The following EIF4G3 variants were observed in gnomAD, a reference collection of about 807,000 sequenced individuals.
The protein encoded by EIF4G3 is eIF-4-gamma 3.
A neutral mutation model predicts 186.4 loss-of-function variants in EIF4G3; 34 were observed. That is an observed-to-expected ratio of 0.18 (90% confidence interval 0.14 to 0.24). The LOEUF is 0.24. EIF4G3 is among the 10% of genes least tolerant of loss of function. The pLI is 1.00. For synonymous variants in EIF4G3, 673 were observed against 679.5 expected (o/e 0.99, Z 0.15); for missense variants, 1,536 against 1,948.5 (o/e 0.79, Z 3.99).
intron 5 of EIF4G3, 45 bp downstream of exon 5, chr1:21,002,668 A>C (rs764547929): frequency 6.3e-7 from 1 of 1,596,926 alleles, no homozygotes; most frequent in South Asian, 1.1e-5. Context: ...ACACACACAA[A>C]CACAGGTAGA....
chr1:20,876,014 G>C (rs567467342), intron 20 of EIF4G3, among the ~76,000 whole-genome samples: 8 of 152,030 alleles, frequency 5.3e-5, no homozygotes, highest in Non-Finnish European at 1.0e-4. Context: ...TTGAGCTCAG[G>C]AGTTCCAGAT....
Position 21,176,867 on chromosome 1 carries a change from T to G in EIF4G3, c.-601A>C. On this transcript the variant is annotated 5_prime_UTR_variant, in exon 1 of 37. Transcript: ENST00000602326. ...GAGCAGAGCATCCAACATGGCGCTG[T>G]GGCCGCCTCCAGCAGTCCGGCAGGA... 1.4e-6 allele frequency: 1 copy of G among 699,678 alleles called. No individual in the cohort carries two copies. The highest frequency in any genetic ancestry group is 2.6e-6 in the Non-Finnish European group (1 of 382,956). 43.3% of individuals were successfully genotyped at this position (699,678 alleles called of 1,614,324 possible).
intron 13 of EIF4G3, among the ~76,000 whole-genome samples, chr1:20,942,837 A>G (rs2095776208): frequency 6.6e-6 from 1 of 152,184 alleles, no homozygotes; most frequent in African/African-American, 2.4e-5. Flanking sequence ...TTTATTTTAA[A>G]AAGTATTACT....
chr1:20,844,006 A>G (rs188934321), intron 29 of EIF4G3, among the ~76,000 whole-genome samples: 229 of 152,336 alleles, frequency 1.5e-3, no homozygotes, highest in African/African-American at 5.3e-3. Flanking sequence ...GTATGGCTGT[A>G]TAATATTTCA....
intron 12 of EIF4G3, among the ~76,000 whole-genome samples, chr1:20,965,107 C>A (rs1254748921): frequency 6.6e-6 from 1 of 152,198 alleles, no homozygotes; most frequent in Non-Finnish European, 1.5e-5. Flanking sequence ...TCTCACCTGA[C>A]AAACACACCC....
chr1:20,864,479 T>G lies in EIF4G3; in HGVS notation c.3003A>C (p.Ala1001=). The G allele has an allele frequency of 6.2e-7, 1 of 1,612,346 alleles. No individual in the cohort carries two copies. Among genetic ancestry groups the G allele is most frequent in the South Asian group, 1.1e-5 (1 of 90,710 alleles). ...TTCTGAGCTTTTGGATTTTTACCTT[T>G]GCTTTTTCAAAGTCCAAGTCTTTGC... ...TIGKDLDFEK[A]KPRMDQYFNQ... Residue 1001 remains alanine (A), a synonymous_variant, in exon 22 of 37, where the codon GCA becomes GCC. Transcript: ENST00000602326.
At chr1:21,024,032 G>C (rs1016636171) in intron 4 of EIF4G3, among the ~76,000 whole-genome samples, 1 of 145,870 alleles carries the variant, frequency 6.9e-6, no homozygotes, top group Non-Finnish European at 1.5e-5. Flanking sequence ...CAACCACCCC[G>C]TCTGAGAAGT....
chr1:21,065,624 C>T (rs1296264514), intron 3 of EIF4G3, among the ~76,000 whole-genome samples: 1 of 151,618 alleles, frequency 6.6e-6, no homozygotes, highest in Admixed American at 6.6e-5. Context: ...GTGTCAGAGA[C>T]CTAAGTTTGA....
intron 12 of EIF4G3, among the ~76,000 whole-genome samples, chr1:20,965,191 A>C (rs916869965): frequency 6.6e-6 from 1 of 152,220 alleles, no homozygotes; most frequent in Non-Finnish European, 1.5e-5. Context: ...TTGACAGAGA[A>C]ACCTCAAGAC....
chr1:20,834,938 CA>C (rs1438129084), intron 30 of EIF4G3, among the ~76,000 whole-genome samples: 2 of 152,106 alleles, frequency 1.3e-5, no homozygotes, highest in East Asian at 3.9e-4. Context: ...TTCTAAAGTG[CA>C]AATAAAACAT....
chr1:20,884,945 A>C (rs1041453602), intron 19 of EIF4G3, among the ~76,000 whole-genome samples: 2 of 152,164 alleles, frequency 1.3e-5, no homozygotes, highest in Non-Finnish European at 2.9e-5. Flanking sequence ...GGGAAGAGGA[A>C]AGTGGTTTTT....
chr1:20,978,298 ATT>A lies in EIF4G3; in HGVS notation c.493+2034_493+2035del, dbSNP rs746398961. The stretch of plus-strand genomic sequence containing the variant: ...CAAAAATTGGGTGATATATATATAT[ATT>A]GTGTAACTTTTAAACTCACATATAT... On this transcript the variant is annotated intron_variant, in intron 10 of 36. Transcript: ENST00000602326. Among the ~76,000 whole-genome samples, 301 of 152,318 alleles carry A rather than the reference ATT, an allele frequency of 2.0e-3. 1 individual carries two copies. The highest frequency in any genetic ancestry group is 3.6e-3 in the Non-Finnish European group (248 of 68,022).
intron 29 of EIF4G3, among the ~76,000 whole-genome samples, chr1:20,846,091 T>G (rs901491532): frequency 6.6e-6 from 1 of 152,164 alleles, no homozygotes; most frequent in Non-Finnish European, 1.5e-5. Context: ...CACTGGAGAT[T>G]TGGCTTTCAG....
chr1:20,904,894 C>T lies in EIF4G3; in HGVS notation c.1741G>A (p.Ala581Thr). ...AGAGATTTGCTTACCTCCAATTCTGCCTCTAACATCTCTTCAGTGGTTCGG... is the reference window on the plus strand; with the variant it reads ...AGAGATTTGCTTACCTCCAATTCTGTCTCTAACATCTCTTCAGTGGTTCGG... ...RTRTTEEMLE[A>T]ELELKAEEEL... Residue 581 changes from alanine (A) to threonine (T), a missense_variant, in exon 15 of 37, where the codon GCA becomes ACA. By Grantham distance (58) the Ala-to-Thr change is moderately conservative (BLOSUM62 0). Transcript: ENST00000602326. 1 of 1,613,552 alleles carries T rather than the reference C, an allele frequency of 6.2e-7. No homozygotes were observed. The highest frequency in any genetic ancestry group is 8.5e-7 in the Non-Finnish European group (1 of 1,179,602).
intron 32 of EIF4G3, among the ~76,000 whole-genome samples, chr1:20,826,719 A>G (rs2063752213): frequency 1.3e-5 from 2 of 148,250 alleles, no homozygotes; most frequent in South Asian, 4.3e-4. Flanking sequence ...CGATCTCTTA[A>G]CCTCGTGATC....
At position 20,895,514 on chromosome 1, in the gene EIF4G3, A is replaced by T. The variant is rs1171042104; in HGVS notation, c.2000-13T>A. ...GGCTTCCAGGATTCTAGAAAGAGGAATATAGGCAGACACTGTTTGTAGGGC... is the reference window on the plus strand; with the variant it reads ...GGCTTCCAGGATTCTAGAAAGAGGATTATAGGCAGACACTGTTTGTAGGGC... On this transcript the variant is annotated splice_polypyrimidine_tract_variant and intron_variant, in intron 16 of 36. Transcript: ENST00000602326. 1 of 1,613,132 alleles carries T rather than the reference A, an allele frequency of 6.2e-7. No homozygotes were observed. Among genetic ancestry groups the T allele is most frequent in the East Asian group, 2.2e-5 (1 of 44,874 alleles).
chr1:21,156,055 G>A (rs1249608013), intron 2 of EIF4G3, among the ~76,000 whole-genome samples: 4 of 151,766 alleles, frequency 2.6e-5, no homozygotes, highest in African/African-American at 9.7e-5. Context: ...TGAACCCTGA[G>A]GGCAGAGGCT....
chr1:21,126,984 G>GTTT, intron 2 of EIF4G3, among the ~76,000 whole-genome samples: 1 of 152,156 alleles, frequency 6.6e-6, no homozygotes, highest in South Asian at 2.1e-4. Flanking sequence ...TATTGTTGGT[G>GTTT]TTTTTGTTGT....
At chr1:21,087,693 G>A (rs1283250962) in intron 3 of EIF4G3, among the ~76,000 whole-genome samples, 1 of 152,008 alleles carries the variant, frequency 6.6e-6, no homozygotes, top group East Asian at 1.9e-4. Context: ...GAGTGCAGTG[G>A]CACGATCTCA....
Sources: allele counts gnomAD v4.1 joint callset (sites outside exome capture counted in the v4.1 genomes callset), GRCh38; gene constraint gnomAD v4.1.1; transcripts MANE v1.5; gene names NCBI Gene and HGNC (gene_info 2026-07-23, HGNC 2026-07-21).